Variants in TRIQK observed in about 807,000 individuals in gnomAD.
TRIQK encodes the protein triple QxxK/R motif containing.
A neutral mutation model predicts 10.8 loss-of-function variants in TRIQK; 10 were observed. The observed-to-expected ratio is 0.92, with a 90% CI of 0.57 to 1.57. TRIQK has a LOEUF of 1.57. Among genes scored for constraint, TRIQK ranks in the 40% most tolerant of loss-of-function variants. The probability of loss-of-function intolerance (pLI) is 0.00; values close to 1 mark genes in which losing one functional copy is unlikely to be tolerated. For synonymous variants in TRIQK, 33 were observed against 33.7 expected (o/e 0.98, Z 0.07); for missense variants, 107 against 97.7 (o/e 1.09, Z -0.40).
chr8:92,960,226 C>CT lies in TRIQK; in HGVS notation c.-180-5663dup, dbSNP rs1425711293. 5.9e-5 allele frequency among the ~76,000 whole-genome samples: 9 copies of CT among 152,106 alleles called. No individual in the cohort carries two copies. In the East Asian group the frequency reaches 1.7e-3, roughly 29 times the overall value. On this transcript the variant is annotated intron_variant, in intron 1 of 4. Transcript: ENST00000521988. ...TCTATCTATCTATCTATCTATGTAT[C>CT]TATCTTCTTGTCTCTTTTTCAGAGA...
Position 92,963,051 on chromosome 8 carries a change from C to A in TRIQK, c.-181+2956G>T, listed in dbSNP as rs1812540382. On this transcript the variant is annotated intron_variant, in intron 1 of 4. Transcript: ENST00000521988. The stretch of plus-strand genomic sequence containing the variant: ...GAGGAAGGAAAGAGCTATTATTGAG[C>A]CCCTAAAAATCTCTAAATCCATTGT... Among the ~76,000 whole-genome samples the A allele has an allele frequency of 3.3e-5, 5 of 152,234 alleles. No individual in the cohort carries two copies. In the South Asian group the frequency reaches 1.0e-3, roughly 32 times the overall value.
intron 1 of TRIQK, among the ~76,000 whole-genome samples, chr8:92,995,716 T>C (rs1005405553): frequency 6.6e-6 from 1 of 152,080 alleles, no homozygotes; most frequent in African/African-American, 2.4e-5. Flanking sequence ...ATGTTATAAT[T>C]GACTCTACTT....
chr8:92,919,432 T>G (rs1225469777), intron 2 of TRIQK, among the ~76,000 whole-genome samples: 1 of 151,950 alleles, frequency 6.6e-6, no homozygotes, highest in Non-Finnish European at 1.5e-5. Context: ...GCTGTTGTGA[T>G]ACATCATGTT....
At chr8:92,981,718 CA>C (rs765553569) in intron 1 of TRIQK, among the ~76,000 whole-genome samples, 8 of 151,852 alleles carry the variant, frequency 5.3e-5, no homozygotes, top group African/African-American at 1.2e-4. Context: ...TATTTGTTTT[CA>C]TTTTTTTATT....
At chr8:92,990,325 T>A (rs1813083646) in intron 1 of TRIQK, among the ~76,000 whole-genome samples, 1 of 152,238 alleles carries the variant, frequency 6.6e-6, no homozygotes, top group African/African-American at 2.4e-5. Flanking sequence ...ATGTGGATGC[T>A]ATTTTTGCTG....
Position 92,928,532 on chromosome 8 carries a change from T to A in TRIQK, c.-21-11522A>T, listed in dbSNP as rs369240546. The stretch of plus-strand genomic sequence containing the variant: ...CCATCACAGTCCTACTCAATCAGAA[T>A]CTTAGGGGCTAAAGTATATGGATCT... On this transcript the variant is annotated intron_variant, in intron 2 of 4. Transcript: ENST00000521988. Among the ~76,000 whole-genome samples the A allele has an allele frequency of 9.2e-5, 14 of 152,298 alleles. No individual in the cohort carries two copies. In the East Asian group the frequency reaches 1.9e-3, roughly 21 times the overall value.
At chr8:92,888,535 G>T (rs1479603733) in intron 4 of TRIQK, among the ~76,000 whole-genome samples, 1 of 151,582 alleles carries the variant, frequency 6.6e-6, no homozygotes, top group Admixed American at 6.6e-5. Context: ...TCATTGAGGA[G>T]AAAAGCATTG....
At chr8:92,902,846 T>C (rs1280209056) in intron 3 of TRIQK, among the ~76,000 whole-genome samples, 1 of 152,062 alleles carries the variant, frequency 6.6e-6, no homozygotes, top group African/African-American at 2.4e-5. Context: ...TTCATTTTCC[T>C]TCTTATTGTA....
At chr8:92,907,795 A>G (rs1809354154) in intron 3 of TRIQK, among the ~76,000 whole-genome samples, 1 of 152,148 alleles carries the variant, frequency 6.6e-6, no homozygotes, top group African/African-American at 2.4e-5. Flanking sequence ...CTCTGGCATT[A>G]GTGCTGTCCC....
At chr8:92,896,228 G>A (rs1419474078) in intron 3 of TRIQK, among the ~76,000 whole-genome samples, 2 of 152,164 alleles carry the variant, frequency 1.3e-5, no homozygotes, top group Non-Finnish European at 1.5e-5. Flanking sequence ...GCTTAAGCAG[G>A]CCCAGGTGAA....
At chr8:92,952,357 G>C (rs1007887974) in intron 2 of TRIQK, among the ~76,000 whole-genome samples, 12 of 151,712 alleles carry the variant, frequency 7.9e-5, no homozygotes, top group African/African-American at 2.9e-4. Flanking sequence ...ACTAGCTGAG[G>C]AAAGATCTCT....
At chr8:93,007,939 A>C (rs1039200406) in intron 1 of TRIQK, among the ~76,000 whole-genome samples, 1 of 152,172 alleles carries the variant, frequency 6.6e-6, no homozygotes, top group Non-Finnish European at 1.5e-5. Flanking sequence ...GTACATATAC[A>C]CCATGGAATA....
chr8:93,011,508 C>T (rs1213122268), intron 1 of TRIQK, among the ~76,000 whole-genome samples: 1 of 152,066 alleles, frequency 6.6e-6, no homozygotes, highest in African/African-American at 2.4e-5. Flanking sequence ...CTTTAGCTTA[C>T]ACACAACTTA....
intron 1 of TRIQK, among the ~76,000 whole-genome samples, chr8:92,991,786 G>T (rs1813098665): frequency 6.6e-6 from 1 of 152,164 alleles, no homozygotes; most frequent in South Asian, 2.1e-4. Context: ...TCCTTAAGCT[G>T]ATAAGCAACT....
chr8:92,926,192 G>A (rs1290137136), intron 2 of TRIQK: 2 of 151,898 alleles, frequency 1.3e-5, no homozygotes, highest in African/African-American at 4.8e-5. Context: ...CTGAACATAG[G>A]CAATAGAGAT....
At chr8:92,900,717 A>C (rs866447072) in intron 3 of TRIQK, among the ~76,000 whole-genome samples, 3 of 152,014 alleles carry the variant, frequency 2.0e-5, no homozygotes, top group Middle Eastern at 3.2e-3. Context: ...GGCTTTTGCA[A>C]TTCTGAGGCT....
intron 3 of TRIQK, among the ~76,000 whole-genome samples, chr8:92,911,873 GT>G (rs1809587873): frequency 6.9e-6 from 1 of 145,808 alleles, no homozygotes; most frequent in Non-Finnish European, 1.5e-5. Flanking sequence ...ATATATGAGT[GT>G]ACATATATAT....
chr8:92,972,592 T>C (rs1812886559), intron 1 of TRIQK: 1 of 152,402 alleles, frequency 6.6e-6, no homozygotes, highest in Non-Finnish European at 1.5e-5. Context: ...TGCTTTGGCA[T>C]TATGCCATTT....
chr8:92,961,651 C>T (rs1219064945), intron 1 of TRIQK, among the ~76,000 whole-genome samples: 3 of 152,152 alleles, frequency 2.0e-5, no homozygotes, highest in Admixed American at 2.0e-4. Context: ...TAGGACTTTG[C>T]CACAGGTATC....
Sources: gnomAD v4.1 joint callset for allele counts (sites outside exome capture counted in the v4.1 genomes callset) on GRCh38, gnomAD v4.1.1 for gene constraint, MANE v1.5 for transcripts, NCBI Gene and HGNC (gene_info 2026-07-23, HGNC 2026-07-21) for gene names.